HSD17B3: variants seen among roughly 807,000 people sequenced by gnomAD.
The protein encoded by HSD17B3 is hydroxysteroid 17-beta dehydrogenase 3, also known as 17-beta-hydroxysteroid dehydrogenase type 3.
In HSD17B3, 29 loss-of-function variants were observed where a neutral mutation model predicts 41.1. That is an observed-to-expected ratio of 0.71 (90% CI 0.53 to 0.96). The LOEUF is 0.96. HSD17B3 is among the 40% of genes least tolerant of loss of function. HSD17B3 has a pLI of 0.00. For synonymous variants in HSD17B3, 126 were observed against 145.6 expected (o/e 0.87, Z 0.97); for missense variants, 323 against 374.6 (o/e 0.86, Z 1.14).
At chr9:96,255,022 G>T in intron 2 of HSD17B3, 79 bp from the exon 3 acceptor site, 1 of 1,198,068 alleles carries the variant, frequency 8.3e-7, no homozygotes, top group African/African-American at 1.5e-5. Context: ...ACTTGGTCCT[G>T]AGACTGTGCA....
At chr9:96,248,133 T>C (rs1836746029) in intron 6 of HSD17B3, among the ~76,000 whole-genome samples, 1 of 152,142 alleles carries the variant, frequency 6.6e-6, no homozygotes, top group South Asian at 2.1e-4. Context: ...AGGTCAGTTG[T>C]AAAATAACGT....
At chr9:96,255,363 A>ATTTTTTTTTTTTT (rs1825595207) in intron 2 of HSD17B3, among the ~76,000 whole-genome samples, 1 of 46,350 alleles carries the variant, frequency 2.2e-5, no homozygotes, top group Non-Finnish European at 4.9e-5. Flanking sequence ...CTGCCCCAAC[A>ATTTTTTTTTTTTT]TTTCTTTTTT....
chr9:96,256,892 A>G (rs4401999), intron 2 of HSD17B3, among the ~76,000 whole-genome samples: 121,476 of 151,884 alleles, frequency 0.8, 49,230 homozygotes, highest in African/African-American at 0.95. Context: ...GTGGGGCCTG[A>G]TGGGAGGTGA....
At chr9:96,296,823 C>T (rs1309229091) in intron 2 of HSD17B3, among the ~76,000 whole-genome samples, 10 of 152,088 alleles carry the variant, frequency 6.6e-5, no homozygotes, top group African/African-American at 2.4e-4. Flanking sequence ...AGGCAGATAA[C>T]TTGAGCTCAG....
chr9:96,274,740 C>T (rs1826383872), intron 2 of HSD17B3, among the ~76,000 whole-genome samples: 1 of 151,974 alleles, frequency 6.6e-6, no homozygotes, highest in South Asian at 2.1e-4. Flanking sequence ...TTGAAGAAAG[C>T]CTATAAGATT....
intron 2 of HSD17B3, among the ~76,000 whole-genome samples, chr9:96,290,456 C>CTTTT (rs61373611): frequency 0.021 from 1,645 of 78,368 alleles, 60 homozygotes; most frequent in African/African-American, 0.027. Flanking sequence ...ATTTCCTGGG[C>CTTTT]TTTTTTTTTT....
intron 2 of HSD17B3, among the ~76,000 whole-genome samples, chr9:96,279,854 C>A (rs113942592): frequency 0.023 from 3,500 of 152,034 alleles, 132 homozygotes; most frequent in African/African-American, 0.078. Flanking sequence ...ACGGCAAGCT[C>A]CGCCTCCCAG....
intron 2 of HSD17B3, among the ~76,000 whole-genome samples, chr9:96,282,488 T>C (rs1826736082): frequency 2.0e-5 from 3 of 152,200 alleles, no homozygotes; most frequent in African/African-American, 7.2e-5. Context: ...AACTGCTTCT[T>C]TGACTTTTGA....
At position 96,252,848 on chromosome 9, in the gene HSD17B3, CGTA is replaced by C. The variant is rs1486861554; in HGVS notation, c.337_339del (p.Tyr113del). On this transcript the variant is annotated inframe_deletion, in exon 4 of 11. Transcript: ENST00000375263. ...CCTGCAAGTTTTTCTTTAATATGCT[CGTA>C]GATGTCATCTTTTGTAAAATCTGCT... 2 of 1,613,408 alleles carry C rather than the reference CGTA, an allele frequency of 1.2e-6. No individual in the cohort carries two copies. Among genetic ancestry groups the C allele is most frequent in the Non-Finnish European group, 1.7e-6 (2 of 1,179,564 alleles).
chr9:96,288,738 C>T (rs890146765), intron 2 of HSD17B3, among the ~76,000 whole-genome samples: 1 of 152,090 alleles, frequency 6.6e-6, no homozygotes, highest in Non-Finnish European at 1.5e-5. Flanking sequence ...ACATCGAGAC[C>T]ATCCTGGCTA....
Position 96,273,605 on chromosome 9 carries a change from C to T in HSD17B3, c.202-18662G>A, listed in dbSNP as rs145882525. On this transcript the variant is annotated intron_variant, in intron 2 of 10. Transcript: ENST00000375263. ...CGTGGAGTCCACACCACTGCACCTA[C>T]TCTGAAGAAGAAGCCACCACTCCAG... 4.3e-3 allele frequency among the ~76,000 whole-genome samples: 648 copies of T among 152,294 alleles called. 2 individuals are homozygous for T. The highest frequency in any genetic ancestry group is 7.8e-3 in the Non-Finnish European group (533 of 68,030).
chr9:96,265,097 T>A (rs996010529), intron 2 of HSD17B3, among the ~76,000 whole-genome samples: 10 of 152,192 alleles, frequency 6.6e-5, no homozygotes, highest in Non-Finnish European at 1.2e-4. Flanking sequence ...TGTTACCAAA[T>A]CTTTGTTTAA....
intron 2 of HSD17B3, among the ~76,000 whole-genome samples, chr9:96,279,120 T>C (rs1826587731): frequency 6.6e-6 from 1 of 152,196 alleles, no homozygotes; most frequent in Non-Finnish European, 1.5e-5. Flanking sequence ...CCCACAGATA[T>C]TACACCTGTA....
intron 3 of HSD17B3, 126 bp downstream of exon 3, chr9:96,254,742 C>G (rs1825558330): frequency 2.5e-6 from 2 of 809,602 alleles, no homozygotes; most frequent in Non-Finnish European, 4.2e-6. Flanking sequence ...CCGGGCTCCC[C>G]AGGAGAGCTG....
chr9:96,263,499 C>T (rs1478377489), intron 2 of HSD17B3, among the ~76,000 whole-genome samples: 10 of 151,002 alleles, frequency 6.6e-5, no homozygotes, highest in Non-Finnish European at 7.4e-5. Flanking sequence ...GGGTGGATCA[C>T]GAGGTCAAGA....
At chr9:96,285,152 A>T (rs1051420773) in intron 2 of HSD17B3, among the ~76,000 whole-genome samples, 1 of 152,158 alleles carries the variant, frequency 6.6e-6, no homozygotes, top group South Asian at 2.1e-4. Flanking sequence ...GCCAATTTTT[A>T]AAAAAAGCTA....
chr9:96,289,332 T>C (rs1045744152), intron 2 of HSD17B3, among the ~76,000 whole-genome samples: 1 of 152,046 alleles, frequency 6.6e-6, no homozygotes, highest in African/African-American at 2.4e-5. Context: ...CTATAATTGC[T>C]CTAAAAAATA....
At chr9:96,291,573 T>A (rs1271197398) in intron 2 of HSD17B3, among the ~76,000 whole-genome samples, 2 of 152,090 alleles carry the variant, frequency 1.3e-5, no homozygotes, top group African/African-American at 4.8e-5. Context: ...AGAACCAAGA[T>A]CTTAATCTGA....
intron 4 of HSD17B3, among the ~76,000 whole-genome samples, chr9:96,251,943 A>G (rs1252580632): frequency 2.0e-5 from 3 of 152,202 alleles, no homozygotes; most frequent in African/African-American, 7.2e-5. Flanking sequence ...ATATGTAAAA[A>G]TGTAATTATT....
Sources: allele counts gnomAD v4.1 joint callset (sites outside exome capture counted in the v4.1 genomes callset), GRCh38; gene constraint gnomAD v4.1.1; transcripts MANE v1.5; gene names NCBI Gene and HGNC (gene_info 2026-07-23, HGNC 2026-07-21).